The following LRRC4C variants were observed in gnomAD, a reference collection of about 807,000 sequenced individuals.
LRRC4C encodes leucine rich repeat containing 4C, also known as leucine-rich repeat-containing protein 4C.
Under a neutral mutation model 33.6 loss-of-function variants are expected in LRRC4C, and 5 were observed. The observed-to-expected ratio is 0.15, with a 90% confidence interval of 0.08 to 0.31. The LOEUF (loss-of-function observed/expected upper bound fraction) is 0.31. Among genes scored for constraint, LRRC4C ranks in the 10% least tolerant of loss-of-function variants. LRRC4C has a pLI of 1.00. For missense variants in LRRC4C, 560 were observed against 796.7 expected (o/e 0.70, Z 3.58); for synonymous variants, 329 against 302.0 (o/e 1.09, Z -0.93).
intron 1 of LRRC4C, among the ~76,000 whole-genome samples, chr11:41,163,760 C>T (rs1944589138): frequency 6.6e-6 from 1 of 151,576 alleles, no homozygotes. Context: ...TACAGGTGCC[C>T]ACAAACACTC....
intron 1 of LRRC4C, among the ~76,000 whole-genome samples, chr11:41,374,494 T>G (rs1369042329): frequency 6.6e-6 from 1 of 152,044 alleles, no homozygotes; most frequent in Non-Finnish European, 1.5e-5. Context: ...GAAAAAATAG[T>G]CAAATAAATG....
In LRRC4C at chr11:40,225,703, G is replaced by A. The variant is rs966249998; in HGVS notation, c.-96+15816C>T. Among the ~76,000 whole-genome samples the A allele has an allele frequency of 4.7e-5, 7 of 148,660 alleles. No individual in the cohort carries two copies. In the East Asian group the frequency reaches 6.0e-4, roughly 13 times the overall value. ...ACGATCTCGGCTCACAGCAACTTCC[G>A]CCTCCCGGGTTCAAGCAATTCTCCT... On this transcript the variant is annotated intron_variant, in intron 5 of 6. Transcript: ENST00000528697.
intron 2 of LRRC4C, among the ~76,000 whole-genome samples, chr11:40,813,845 A>T (rs1951594199): frequency 6.6e-6 from 1 of 152,172 alleles, no homozygotes; most frequent in Non-Finnish European, 1.5e-5. Context: ...ATTAAACCTT[A>T]ATAATGTTCC....
chr11:41,050,670 A>AT lies in LRRC4C; in HGVS notation c.-495-116948dup, dbSNP rs527625785. 3.3e-5 allele frequency among the ~76,000 whole-genome samples: 5 copies of AT among 152,090 alleles called. No individual in the cohort carries two copies. The South Asian group carries it at 1.0e-3, about 32-fold the overall frequency. On this transcript the variant is annotated intron_variant, in intron 1 of 6. Transcript: ENST00000528697. ...GTATTCTATGGTGTAAATGTGCCAC[A>AT]TTTTTTTATCCAGTCTATCACTGAT...
rs1382453875 is a variant in LRRC4C at position 40,811,371 on chromosome 11, A to G, written c.-407+122264T>C. 3.3e-5 allele frequency among the ~76,000 whole-genome samples: 5 copies of G among 152,312 alleles called. No homozygotes were observed. In the East Asian group the frequency reaches 9.6e-4, roughly 29 times the overall value. On this transcript the variant is annotated intron_variant, in intron 2 of 6. Coordinates refer to ENST00000528697, the MANE Select transcript of LRRC4C (RefSeq NM_001258419.2). ...TTAATAACTGATAAACTGTGCTTGT[A>G]CAAGAACATAAGTACCTTGAGGACA...
chr11:40,713,727 G>A lies in LRRC4C; in HGVS notation c.-406-65449C>T, dbSNP rs79204468. The stretch of plus-strand genomic sequence containing the variant: ...TTCTCCTTCTCGCTGATATAAATCT[G>A]TCTTTAATTATATCTGTATTTTCAA... On this transcript the variant is annotated intron_variant, in intron 2 of 6. Transcript: ENST00000528697. Among the ~76,000 whole-genome samples, 651 of 152,166 alleles carry A rather than the reference G, an allele frequency of 4.3e-3. 3 individuals carry two copies. Among genetic ancestry groups the A allele is most frequent in the African/African-American group, 0.015 (608 of 41,528 alleles).
chr11:40,636,044 G>T (rs1963932993), intron 3 of LRRC4C, among the ~76,000 whole-genome samples: 1 of 152,164 alleles, frequency 6.6e-6, no homozygotes, highest in South Asian at 2.1e-4. Flanking sequence ...ACGATCTCAT[G>T]CCCAGTGTGC....
chr11:40,871,753 C>G (rs936600436), intron 2 of LRRC4C, among the ~76,000 whole-genome samples: 1 of 152,102 alleles, frequency 6.6e-6, no homozygotes, highest in African/African-American at 2.4e-5. Flanking sequence ...CATTTGTTCC[C>G]AAACATAAAA....
intron 4 of LRRC4C, among the ~76,000 whole-genome samples, chr11:40,288,168 C>G (rs1016033967): frequency 5.3e-5 from 8 of 152,144 alleles, no homozygotes; most frequent in Non-Finnish European, 1.0e-4. Flanking sequence ...GCATGTAACA[C>G]ACGTGGCCCA....
At chr11:40,617,635 A>G (rs1253982531) in intron 3 of LRRC4C, among the ~76,000 whole-genome samples, 4 of 151,694 alleles carry the variant, frequency 2.6e-5, no homozygotes, top group Non-Finnish European at 4.4e-5. Flanking sequence ...GATTTACAAT[A>G]CTATGGAGAA....
At chr11:41,374,382 A>T (rs1229062905) in intron 1 of LRRC4C, among the ~76,000 whole-genome samples, 1 of 152,198 alleles carries the variant, frequency 6.6e-6, no homozygotes, top group Non-Finnish European at 1.5e-5. Context: ...TTAAAAAAAA[A>T]CTTTTGTTCC....
chr11:40,467,296 C>T (rs1019806849), intron 3 of LRRC4C, among the ~76,000 whole-genome samples: 2 of 152,000 alleles, frequency 1.3e-5, no homozygotes, highest in African/African-American at 4.8e-5. Context: ...TTTTGTTGTG[C>T]TCTGTGTGAG....
chr11:41,238,348 T>C (rs1948109789), intron 1 of LRRC4C, among the ~76,000 whole-genome samples: 1 of 152,126 alleles, frequency 6.6e-6, no homozygotes, highest in Non-Finnish European at 1.5e-5. Context: ...TCAACGAGTG[T>C]TCTTTATTTG....
intron 1 of LRRC4C, among the ~76,000 whole-genome samples, chr11:41,168,416 A>G (rs1275897094): frequency 1.3e-5 from 2 of 152,178 alleles, no homozygotes; most frequent in African/African-American, 4.8e-5. Context: ...ACCTGTTTCC[A>G]TCTTTAGGTG....
At chr11:40,314,727 A>G (rs1945492049) in intron 4 of LRRC4C, among the ~76,000 whole-genome samples, 1 of 152,162 alleles carries the variant, frequency 6.6e-6, no homozygotes, top group Non-Finnish European at 1.5e-5. Flanking sequence ...ATAAAAAAGA[A>G]TAAAATTCTG....
At chr11:41,005,916 C>A (rs899155708) in intron 1 of LRRC4C, among the ~76,000 whole-genome samples, 2 of 152,116 alleles carry the variant, frequency 1.3e-5, no homozygotes, top group Admixed American at 6.5e-5. Flanking sequence ...CTGGTCCCTT[C>A]AGGTACAGAG....
chr11:40,668,451 G>T (rs1943927603), intron 2 of LRRC4C, among the ~76,000 whole-genome samples: 1 of 152,058 alleles, frequency 6.6e-6, no homozygotes, highest in Non-Finnish European at 1.5e-5. Flanking sequence ...ATTTTAAATG[G>T]TCTACACACA....
At chr11:40,319,500 T>A (rs1945736799) in intron 4 of LRRC4C, 128 bp downstream of exon 4, 1 of 152,216 alleles carries the variant, frequency 6.6e-6, no homozygotes, top group Admixed American at 6.5e-5. Flanking sequence ...ACTGCATCAT[T>A]AATAAAAGCA....
At chr11:41,428,509 C>T (rs1385392937) in intron 1 of LRRC4C, among the ~76,000 whole-genome samples, 1 of 152,058 alleles carries the variant, frequency 6.6e-6, no homozygotes, top group Non-Finnish European at 1.5e-5. Flanking sequence ...TTCTGCCTAA[C>T]AATAATGAAA....
Sources: allele counts gnomAD v4.1 joint callset (sites outside exome capture counted in the v4.1 genomes callset), GRCh38; gene constraint gnomAD v4.1.1; transcripts MANE v1.5; gene names NCBI Gene and HGNC (gene_info 2026-07-23, HGNC 2026-07-21).